The following NT5DC3 variants were observed in gnomAD, a reference collection of about 807,000 sequenced individuals.
NT5DC3 encodes the protein 5'-nucleotidase domain-containing protein 3.
In NT5DC3, 42 loss-of-function variants were observed where a neutral mutation model predicts 67.8. That is an observed-to-expected ratio of 0.62 (90% confidence interval 0.48 to 0.80). NT5DC3 has a LOEUF of 0.80. NT5DC3 is among the 30% of genes least tolerant of loss of function. The pLI, the probability that NT5DC3 is intolerant of heterozygous loss-of-function variation, is 0.00. For synonymous variants in NT5DC3, 237 were observed against 255.6 expected, an observed-to-expected ratio of 0.93 and a Z score of 0.69; for missense variants, 570 against 696.4, an observed-to-expected ratio of 0.82 and a Z score of 2.04.
chr12:103,782,179 G>A (rs993109714), intron 12 of NT5DC3, among the ~76,000 whole-genome samples: 5 of 152,252 alleles, frequency 3.3e-5, no homozygotes, highest in Admixed American at 6.5e-5. Context: ...AGACCAGCCC[G>A]GCCAACATGG....
At chr12:103,814,828 AACAATTTATT>A (rs2139420424) in intron 2 of NT5DC3, 99 bp downstream of exon 2, 1 of 721,660 alleles carries the variant, frequency 1.4e-6, no homozygotes, top group South Asian at 3.5e-5. Flanking sequence ...TTCATTTAGC[AACAATTTATT>A]AAATGACTTC....
downstream of NT5DC3, chr12:103,766,928 G>T (rs1593368479): frequency 6.5e-6 from 1 of 153,162 alleles, no homozygotes; most frequent in Non-Finnish European, 1.5e-5. Flanking sequence ...AATCAAAACA[G>T]TAACACGTAT....
At chr12:103,840,035 C>A (rs1034304231) in intron 1 of NT5DC3, among the ~76,000 whole-genome samples, 6 of 152,158 alleles carry the variant, frequency 3.9e-5, no homozygotes, top group African/African-American at 1.4e-4. Flanking sequence ...CCCAAATGGT[C>A]AACGGAGCAC....
chr12:103,753,317 C>T, the NT5DC3 span: 173 of 1,614,134 alleles, frequency 1.1e-4, no homozygotes, highest in Middle Eastern at 1.6e-4. Flanking sequence ...AAGCTGCGAC[C>T]ATGGCAACCT....
intron 1 of NT5DC3, among the ~76,000 whole-genome samples, chr12:103,825,169 A>T (rs1479556599): frequency 6.6e-6 from 1 of 152,226 alleles, no homozygotes; most frequent in Admixed American, 6.5e-5. Flanking sequence ...TATATTTTGC[A>T]TCGTCTCCGA....
chr12:103,755,775 GTA>G, the NT5DC3 span: 2 of 1,544,786 alleles, frequency 1.3e-6, no homozygotes, highest in Non-Finnish European at 8.9e-7. Flanking sequence ...CTCAAAGCAG[GTA>G]TTAGAGGGGT....
intron 12 of NT5DC3, among the ~76,000 whole-genome samples, chr12:103,783,792 C>CAAA (rs35278033): frequency 0.02 from 2,874 of 142,622 alleles, 97 homozygotes; most frequent in African/African-American, 0.069. Flanking sequence ...AAAATAAAAC[C>CAAA]AAAAAAAAAA....
chr12:103,765,972 G>A (rs1410996059), downstream of NT5DC3: 1 of 464,732 alleles, frequency 2.2e-6, no homozygotes, highest in Non-Finnish European at 4.1e-6. Flanking sequence ...CTTGCTAAAT[G>A]TAGGCTCTAA....
intron 12 of NT5DC3, among the ~76,000 whole-genome samples, chr12:103,781,663 C>T (rs760229526): frequency 6.6e-6 from 1 of 152,198 alleles, no homozygotes; most frequent in African/African-American, 2.4e-5. Flanking sequence ...AGCTCTGTCC[C>T]CCTACAAGGC....
chr12:103,798,556 T>A, intron 5 of NT5DC3, 31 bp downstream of exon 5: 1 of 1,479,544 alleles, frequency 6.8e-7, no homozygotes, highest in Non-Finnish European at 9.4e-7. Context: ...GGAAAAAGGC[T>A]GCTTTAAATG....
the NT5DC3 span, chr12:103,746,515 G>C: frequency 2.3e-6 from 3 of 1,313,774 alleles, no homozygotes; most frequent in Non-Finnish European, 1.1e-6. Flanking sequence ...GTCGTCCAGA[G>C]AGAGTCTTGG....
the NT5DC3 span, among the ~76,000 whole-genome samples, chr12:103,762,666 T>C: frequency 2.0e-5 from 3 of 152,200 alleles, no homozygotes; most frequent in African/African-American, 7.2e-5. Context: ...TGAGCCTCTG[T>C]GCCAGGGGTT....
downstream of NT5DC3, chr12:103,770,838 GGTAA>G (rs902741021): frequency 1.3e-5 from 2 of 152,220 alleles, no homozygotes; most frequent in African/African-American, 2.4e-5. Context: ...CTAGGAGGGT[GGTAA>G]GTGAGCCTGT....
At chr12:103,783,428 T>C (rs1260327270) in intron 12 of NT5DC3, among the ~76,000 whole-genome samples, 1 of 152,186 alleles carries the variant, frequency 6.6e-6, no homozygotes, top group African/African-American at 2.4e-5. Context: ...AGGGTCTTCA[T>C]CAGTAAAATG....
At chr12:103,784,693 A>G (rs543031148) in intron 12 of NT5DC3, among the ~76,000 whole-genome samples, 5 of 152,350 alleles carry the variant, frequency 3.3e-5, no homozygotes, top group South Asian at 4.1e-4. Flanking sequence ...GGGCACATGG[A>G]GAATTAAGGG....
At chr12:103,750,507 C>G in the NT5DC3 span, 2 of 1,584,152 alleles carry the variant, frequency 1.3e-6, no homozygotes, top group Non-Finnish European at 1.7e-6. Context: ...GGACATTGGT[C>G]CCATGGGCAC....
the NT5DC3 span, chr12:103,753,130 C>T: frequency 1.2e-5 from 19 of 1,537,780 alleles, no homozygotes; most frequent in Non-Finnish European, 1.7e-5. Context: ...TATAGCTGGC[C>T]TTCATTTTGA....
intron 4 of NT5DC3, among the ~76,000 whole-genome samples, 188 bp from the exon 5 acceptor site, chr12:103,798,865 C>G (rs1886437300): frequency 1.3e-5 from 2 of 152,186 alleles, no homozygotes; most frequent in African/African-American, 4.8e-5. Context: ...TACTACTGTT[C>G]TATTGGTAAC....
At chr12:103,825,826 TCATTAGAATATA>T (rs1887671377) in intron 1 of NT5DC3, among the ~76,000 whole-genome samples, 1 of 152,208 alleles carries the variant, frequency 6.6e-6, no homozygotes, top group Non-Finnish European at 1.5e-5. Flanking sequence ...CAAAAATTTT[TCATTAGAATATA>T]CAGGAAGTAG....
Sources: gnomAD v4.1 joint callset for allele counts (sites outside exome capture counted in the v4.1 genomes callset) on GRCh38, gnomAD v4.1.1 for gene constraint, MANE v1.5 for transcripts, NCBI Gene and HGNC (gene_info 2026-07-23, HGNC 2026-07-21) for gene names.